Variants in STAG3 observed in about 807,000 individuals in gnomAD.
STAG3 encodes cohesin subunit SA-3.
Under a neutral mutation model 160.7 loss-of-function variants are expected in STAG3, and 101 were observed. That is an observed-to-expected ratio of 0.63 (90% CI 0.54 to 0.74). The LOEUF (loss-of-function observed/expected upper bound fraction) is 0.74, where lower values mean the gene tolerates loss of function less well. Ranked by LOEUF, STAG3 falls within the 30% of genes least tolerant of loss-of-function variation. The pLI is 0.00. For missense variants in STAG3, 1,188 were observed against 1,517.4 expected, an observed-to-expected ratio of 0.78 and a Z score of 3.61; for synonymous variants, 519 against 585.0, an observed-to-expected ratio of 0.89 and a Z score of 1.63.
chr7:100,184,645 T>A (rs1408996171), intron 4 of STAG3, among the ~76,000 whole-genome samples: 1 of 151,920 alleles, frequency 6.6e-6, no homozygotes, highest in Non-Finnish European at 1.5e-5. Context: ...TTTTTGTATT[T>A]TTAGCAGAGA....
At chr7:100,213,704 C>A (rs530751343) in intron 32 of STAG3, 31 bp from the exon 33 acceptor site, 1 of 1,613,934 alleles carries the variant, frequency 6.2e-7, no homozygotes, top group Non-Finnish European at 8.5e-7. Flanking sequence ...TGTGTAAAGG[C>A]CTTTTTGACT....
chr7:100,203,733 C>T (rs138129781), intron 25 of STAG3, among the ~76,000 whole-genome samples: 8,343 of 152,114 alleles, frequency 0.055, 281 homozygotes, highest in South Asian at 0.12. Context: ...CCAGGATGGT[C>T]TCGATCTCCT....
chr7:100,186,008 C>G (rs1366694630), intron 4 of STAG3, among the ~76,000 whole-genome samples, 192 bp from the exon 5 acceptor site: 1 of 152,206 alleles, frequency 6.6e-6, no homozygotes, highest in African/African-American at 2.4e-5. Context: ...TTGTTTACCT[C>G]CCAGGGTTGC....
chr7:100,213,732 T>C lies in STAG3; in HGVS notation c.3601-3T>C. 1.2e-6 allele frequency: 2 copies of C among 1,614,192 alleles called. No individual in the cohort carries two copies. Among genetic ancestry groups the C allele is most frequent in the African/African-American group, 1.3e-5 (1 of 75,056 alleles). On this transcript the variant is annotated splice_region_variant and splice_polypyrimidine_tract_variant and intron_variant, in intron 32 of 33. Coordinates refer to ENST00000615138, the MANE Select transcript of STAG3 (RefSeq NM_001282717.2). ...TTTTGACTTTTAACCTCATTCTCTC[T>C]AGCAAGCAAGTAGCTACTCTTCCAC... is the stretch of plus-strand genomic sequence containing the variant.
At chr7:100,209,093 G>T (rs915192853) in intron 29 of STAG3, among the ~76,000 whole-genome samples, 1 of 152,148 alleles carries the variant, frequency 6.6e-6, no homozygotes, top group Non-Finnish European at 1.5e-5. Context: ...ATTGGTTAGA[G>T]TGGAAAGTTC....
At position 100,188,476 on chromosome 7, in the gene STAG3, A is replaced by C; in HGVS notation, c.457A>C (p.Lys153Gln). The change falls in exon 6 of 34, where the codon AAG becomes CAG. Residue 153 changes from lysine (K) to glutamine (Q), a missense_variant. Transcript: ENST00000615138. Reference protein sequence around the residue: ...CKGIVTPEMFKKMSNSEIIQH... With the variant: ...CKGIVTPEMFQKMSNSEIIQH... ...AGGCATTGTGACCCCTGAGATGTTC[A>C]AGAAGATGTCCAACTCAGAGATCAT... The C allele has an allele frequency of 1.2e-6, 2 of 1,613,694 alleles. No individual in the cohort carries two copies. The highest frequency in any genetic ancestry group is 1.7e-6 in the Non-Finnish European group (2 of 1,179,586).
downstream of STAG3, among the ~76,000 whole-genome samples, chr7:100,216,366 AT>A (rs1314095827): frequency 1.3e-4 from 2 of 15,888 alleles, no homozygotes; most frequent in Non-Finnish European, 4.2e-4. Flanking sequence ...AAAATGTAAC[AT>A]GAGTTGACGA....
chr7:100,211,180 C>T lies in STAG3; in HGVS notation c.3408C>T (p.Ala1136=). 1 of 1,576,132 alleles carries T rather than the reference C, an allele frequency of 6.3e-7. No homozygotes were observed. Residue 1136 remains alanine (A), a synonymous_variant, in exon 30 of 34, where the codon GCC becomes GCT. Coordinates refer to ENST00000615138, the MANE Select transcript of STAG3 (RefSeq NM_001282717.2). ...EEEDGSELDF[A]QGSQPVAGTE... ...AAGATGGCTCAGAGTTGGATTTTGC[C>T]CAGGGGTGAGGCCATGGAGGGAATC...
chr7:100,179,651 T>G (rs1799515611), intron 1 of STAG3, among the ~76,000 whole-genome samples: 1 of 152,208 alleles, frequency 6.6e-6, no homozygotes, highest in African/African-American at 2.4e-5. Flanking sequence ...CCTCAGCTTT[T>G]GGAGAGCAAC....
Position 100,199,334 on chromosome 7 carries a change from G to A in STAG3, c.1540G>A (p.Gly514Ser), listed in dbSNP as rs1197449209. 4 of 1,614,086 alleles carry A rather than the reference G, an allele frequency of 2.5e-6. No homozygotes were observed. Among genetic ancestry groups the A allele is most frequent in the Non-Finnish European group, 3.4e-6 (4 of 1,180,002 alleles). ...AGGGGCTCGGCTGAAGGACTGGGAG[G>A]GTCTGACAAGCCTGCTGCTGGAGAA... The part of the protein sequence containing the change: ...CAGARLKDWE[G>S]LTSLLLEKDQ... The change falls in exon 15 of 34, where the codon GGT (glycine) becomes AGT (serine). Residue 514 changes from glycine to serine, a missense_variant. By Grantham distance (56) the Gly-to-Ser change is moderately conservative (BLOSUM62 0). Around this residue, in one of 4 missense-constraint regions of STAG3, gnomAD observed 240 missense variants for 358.1 expected, o/e 0.67. Coordinates refer to ENST00000615138, the MANE Select transcript of STAG3 (RefSeq NM_001282717.2).
At position 100,199,658 on chromosome 7, in the gene STAG3, G is replaced by A. The variant is rs1457719765; in HGVS notation, c.1677+14G>A. On this transcript the variant is annotated intron_variant, in intron 16 of 33. Coordinates refer to ENST00000615138, the MANE Select transcript of STAG3 (RefSeq NM_001282717.2). The stretch of plus-strand genomic sequence containing the variant: ...ACTGGGAGGAAGGTATGGTGTGAGG[G>A]TAGAGTGGGTAGGTCAGCAATACTC... The A allele has an allele frequency of 6.4e-6, 10 of 1,558,502 alleles. No homozygotes were observed. Among genetic ancestry groups the A allele is most frequent in the Admixed American group, 1.9e-5 (1 of 54,038 alleles).
intron 5 of STAG3, 33 bp from the exon 6 acceptor site, chr7:100,188,420 C>T (rs774839593): frequency 7.2e-7 from 1 of 1,390,488 alleles, no homozygotes; most frequent in Non-Finnish European, 1.0e-6. Context: ...CTGTTATTTT[C>T]CTTGTAAGCA....
At chr7:100,205,545 T>G (rs1336334493) in intron 29 of STAG3, among the ~76,000 whole-genome samples, 161 bp downstream of exon 29, 1 of 152,086 alleles carries the variant, frequency 6.6e-6, no homozygotes, top group Non-Finnish European at 1.5e-5. Flanking sequence ...AAAAATCAAA[T>G]AGAGGGCCAG....
intron 27 of STAG3, 108 bp from the exon 28 acceptor site, chr7:100,204,897 T>C: frequency 1.9e-6 from 3 of 1,575,702 alleles, no homozygotes; most frequent in Non-Finnish European, 2.6e-6. Context: ...GGGTATGCCT[T>C]TGGAGACAAG....
At chr7:100,188,389 T>C (rs1800157797) in intron 5 of STAG3, 64 bp from the exon 6 acceptor site, 5 of 1,057,808 alleles carry the variant, frequency 4.7e-6, no homozygotes, top group Non-Finnish European at 7.4e-6. Flanking sequence ...TTCAGGTATA[T>C]CTGTAAATGA....
At position 100,200,858 on chromosome 7, in the gene STAG3, C is replaced by T. The variant is rs777219629; in HGVS notation, c.1950C>T (p.Tyr650=). 1.2e-6 allele frequency: 2 copies of T among 1,614,198 alleles called. No individual in the cohort carries two copies. Among genetic ancestry groups the T allele is most frequent in the Non-Finnish European group, 1.7e-6 (2 of 1,180,046 alleles). The change falls in exon 19 of 34, where the codon TAC becomes TAT. Residue 650 remains tyrosine, a synonymous_variant. Transcript: ENST00000615138. ...AVLEAGAHAL[Y]LLCNPEFTFF... ...TTGAGGCTGGGGCGCATGCCCTCTA[C>T]CTGCTCTGTAATCCCGAATTCACTT... is the stretch of plus-strand genomic sequence containing the variant.
chr7:100,197,340 T>G (rs1250034896), intron 10 of STAG3, 61 bp downstream of exon 10: 2 of 1,596,668 alleles, frequency 1.3e-6, no homozygotes, highest in Non-Finnish European at 1.7e-6. Flanking sequence ...CTAGGACATT[T>G]CACCTTTTCC....
downstream of STAG3, among the ~76,000 whole-genome samples, chr7:100,217,368 G>A (rs1432485465): frequency 1.3e-5 from 2 of 152,242 alleles, no homozygotes; most frequent in Non-Finnish European, 2.9e-5. Flanking sequence ...GACGAGCTGA[G>A]GCCAGCTTAG....
chr7:100,198,711 C>A, intron 13 of STAG3, 129 bp downstream of exon 13: 1 of 1,219,060 alleles, frequency 8.2e-7, no homozygotes, highest in Non-Finnish European at 1.2e-6. Flanking sequence ...CTTCTCGCAG[C>A]TCCTTGGGGC....
Sources: gnomAD v4.1 joint callset for allele counts (sites outside exome capture counted in the v4.1 genomes callset) on GRCh38, gnomAD v4.1.1 for gene constraint, gnomAD v4.1.1 regional missense constraint, MANE v1.5 for transcripts, NCBI Gene and HGNC (gene_info 2026-07-23, HGNC 2026-07-21) for gene names.